Variants in SMIM13 observed in about 807,000 individuals in gnomAD.
The protein encoded by SMIM13 is UPF0766 protein C6orf228.
In SMIM13, 3 loss-of-function variants were observed where a neutral mutation model predicts 5.9. That is an observed-to-expected ratio of 0.51 (90% CI 0.23 to 1.31). The LOEUF (loss-of-function observed/expected upper bound fraction) is 1.31, where lower values mean the gene tolerates loss of function less well. Ranked by LOEUF, SMIM13 falls within the 40% of genes most tolerant of loss-of-function variation. The pLI, the probability that SMIM13 is intolerant of heterozygous loss-of-function variation, is 0.18. For missense variants in SMIM13, 85 were observed against 109.9 expected, an observed-to-expected ratio of 0.77 and a Z score of 1.01; for synonymous variants, 55 against 46.0, an observed-to-expected ratio of 1.19 and a Z score of -0.79.
chr6:11,118,464 T>C (rs140254108), intron 1 of SMIM13, among the ~76,000 whole-genome samples: 1 of 152,312 alleles, frequency 6.6e-6, no homozygotes, highest in Non-Finnish European at 1.5e-5. Flanking sequence ...GTTTTGAGTA[T>C]CTACTTTGTG....
chr6:11,098,571 A>G (rs1757953335), intron 1 of SMIM13, among the ~76,000 whole-genome samples: 2 of 152,196 alleles, frequency 1.3e-5, no homozygotes, highest in Non-Finnish European at 2.9e-5. Flanking sequence ...AGCTGAGATT[A>G]CAGGTGTCAG....
chr6:11,126,705 A>G (rs80126177), intron 1 of SMIM13, among the ~76,000 whole-genome samples: 2,253 of 152,122 alleles, frequency 0.015, 50 homozygotes, highest in African/African-American at 0.05. Context: ...GTGTCTGGGC[A>G]TTGCAGAGTT....
At chr6:11,123,245 T>C (rs1166484777) in intron 1 of SMIM13, among the ~76,000 whole-genome samples, 1 of 152,180 alleles carries the variant, frequency 6.6e-6, no homozygotes, top group Non-Finnish European at 1.5e-5. Flanking sequence ...GGAGCCGCTG[T>C]GCAGAGAGAA....
chr6:11,102,226 G>C (rs1185049396), intron 1 of SMIM13, among the ~76,000 whole-genome samples: 1 of 152,190 alleles, frequency 6.6e-6, no homozygotes, highest in African/African-American at 2.4e-5. Flanking sequence ...TTAACCCTGT[G>C]AGGATGGCTT....
chr6:11,120,206 A>G (rs1758292281), intron 1 of SMIM13, among the ~76,000 whole-genome samples: 1 of 152,220 alleles, frequency 6.6e-6, no homozygotes, highest in African/African-American at 2.4e-5. Flanking sequence ...GTTATACTGC[A>G]CCTGGGCTTT....
intron 1 of SMIM13, among the ~76,000 whole-genome samples, chr6:11,129,028 A>G (rs928644773): frequency 2.7e-5 from 4 of 148,960 alleles, no homozygotes; most frequent in Non-Finnish European, 4.4e-5. Flanking sequence ...ATTTTTATGG[A>G]GGTGCTTTTT....
chr6:11,101,413 T>G (rs1401602244), intron 1 of SMIM13, among the ~76,000 whole-genome samples: 1 of 152,214 alleles, frequency 6.6e-6, no homozygotes, highest in African/African-American at 2.4e-5. Flanking sequence ...TTCTGCTTAT[T>G]TATCTTACAT....
intron 1 of SMIM13, among the ~76,000 whole-genome samples, chr6:11,098,154 A>G (rs1205226265): frequency 6.6e-6 from 1 of 152,218 alleles, no homozygotes; most frequent in Non-Finnish European, 1.5e-5. Flanking sequence ...TAGAGCTCTG[A>G]CAGACTCCTT....
chr6:11,094,578 C>T (rs947873629), intron 1 of SMIM13, among the ~76,000 whole-genome samples, 189 bp downstream of exon 1: 3 of 152,162 alleles, frequency 2.0e-5, no homozygotes, highest in Admixed American at 1.3e-4. Context: ...GGCCGGCCCT[C>T]GGGCATCCTG....
chr6:11,116,345 A>G (rs1758240490), intron 1 of SMIM13, among the ~76,000 whole-genome samples: 1 of 152,216 alleles, frequency 6.6e-6, no homozygotes, highest in South Asian at 2.1e-4. Context: ...GTTGGTTAGA[A>G]GCAGATCAGT....
chr6:11,116,242 CT>C (rs1303979236), intron 1 of SMIM13, among the ~76,000 whole-genome samples: 1 of 152,118 alleles, frequency 6.6e-6, no homozygotes, highest in Non-Finnish European at 1.5e-5. Context: ...TGTTCTCAAA[CT>C]CTGGGCCTCA....
At chr6:11,124,075 G>A (rs953764915) in intron 1 of SMIM13, among the ~76,000 whole-genome samples, 2 of 151,998 alleles carry the variant, frequency 1.3e-5, no homozygotes, top group Admixed American at 6.6e-5. Flanking sequence ...TCACCCTGAT[G>A]TGCTGTCAAA....
At chr6:11,125,106 C>T (rs1212685350) in intron 1 of SMIM13, among the ~76,000 whole-genome samples, 1 of 151,418 alleles carries the variant, frequency 6.6e-6, no homozygotes, top group East Asian at 1.9e-4. Flanking sequence ...GGTGAAACCC[C>T]ATCTCTACTA....
At chr6:11,104,414 A>T in intron 1 of SMIM13, 1 of 1,551,714 alleles carries the variant, frequency 6.4e-7, no homozygotes, top group Non-Finnish European at 8.7e-7. Context: ...GGCCACAAAT[A>T]TAAAAGGCTC....
At chr6:11,104,796 A>T (rs1758058924) in intron 1 of SMIM13, 1 of 1,614,054 alleles carries the variant, frequency 6.2e-7, no homozygotes, top group Admixed American at 1.7e-5. Flanking sequence ...AGGTTTGGGG[A>T]ATCTTGGTTG....
chr6:11,096,187 C>T (rs1368031669), intron 1 of SMIM13, among the ~76,000 whole-genome samples: 1 of 152,212 alleles, frequency 6.6e-6, no homozygotes. Flanking sequence ...AATTTTTCCA[C>T]AGACGGAGCA....
intron 1 of SMIM13, among the ~76,000 whole-genome samples, chr6:11,129,657 G>T (rs1370019068): frequency 6.6e-6 from 1 of 152,022 alleles, no homozygotes; most frequent in Admixed American, 6.6e-5. Context: ...TTTATTTCTG[G>T]ATTCCCTATT....
chr6:11,097,353 C>T (rs1407469295), intron 1 of SMIM13, among the ~76,000 whole-genome samples: 2 of 152,130 alleles, frequency 1.3e-5, no homozygotes, highest in African/African-American at 4.8e-5. Context: ...TTAATTACCT[C>T]TTTAAAAATC....
chr6:11,129,381 A>C (rs1758421740), intron 1 of SMIM13, among the ~76,000 whole-genome samples: 2 of 152,206 alleles, frequency 1.3e-5, no homozygotes, highest in Admixed American at 1.3e-4. Context: ...ATGGCGGAAT[A>C]GTATTCTATT....
Sources: gnomAD v4.1 joint callset for allele counts (sites outside exome capture counted in the v4.1 genomes callset) on GRCh38, gnomAD v4.1.1 for gene constraint, MANE v1.5 for transcripts, NCBI Gene and HGNC (gene_info 2026-07-23, HGNC 2026-07-21) for gene names.